Variants in TNIK observed in about 807,000 individuals in gnomAD.
The protein encoded by TNIK is TRAF2 and NCK-interacting protein kinase.
Under a neutral mutation model 191.3 loss-of-function variants are expected in TNIK, and 49 were observed. The ratio of observed to expected loss-of-function variants is 0.26; its 90% CI spans 0.20 to 0.32. The LOEUF (loss-of-function observed/expected upper bound fraction) is 0.32, where lower values mean the gene tolerates loss of function less well. Ranked by LOEUF, TNIK falls within the 10% of genes least tolerant of loss-of-function variation. The pLI is 1.00. For synonymous variants in TNIK, 594 were observed against 600.9 expected (o/e 0.99, Z 0.17); for missense variants, 1,155 against 1,702.3 (o/e 0.68, Z 5.66).
At chr3:171,160,150 G>A (rs1015046636) in intron 11 of TNIK, among the ~76,000 whole-genome samples, 3 of 152,110 alleles carry the variant, frequency 2.0e-5, no homozygotes, top group South Asian at 2.1e-4. Context: ...CAGCTAAACC[G>A]GGGACGGCCA....
At chr3:171,430,970 G>C (rs1725300363) in intron 1 of TNIK, among the ~76,000 whole-genome samples, 2 of 152,108 alleles carry the variant, frequency 1.3e-5, no homozygotes, top group African/African-American at 4.8e-5. Flanking sequence ...ATAAAAAGTA[G>C]AGCCACACCA....
At chr3:171,185,487 C>G (rs866726852) in intron 7 of TNIK, among the ~76,000 whole-genome samples, 3 of 152,172 alleles carry the variant, frequency 2.0e-5, no homozygotes, top group Non-Finnish European at 4.4e-5. Flanking sequence ...GCCCCACATA[C>G]TTATCAGGGA....
intron 1 of TNIK, among the ~76,000 whole-genome samples, chr3:171,399,166 T>G (rs555636667): frequency 1.3e-5 from 2 of 152,334 alleles, no homozygotes; most frequent in South Asian, 4.1e-4. Flanking sequence ...TCAAAACCAG[T>G]CTCTATCAAA....
intron 2 of TNIK, among the ~76,000 whole-genome samples, chr3:171,259,926 G>A (rs1278766061): frequency 6.6e-6 from 1 of 152,124 alleles, no homozygotes; most frequent in Admixed American, 6.6e-5. Flanking sequence ...ATAAGAGGAT[G>A]TGACAATCCT....
At chr3:171,445,732 A>G (rs1727416774) in intron 1 of TNIK, among the ~76,000 whole-genome samples, 1 of 152,200 alleles carries the variant, frequency 6.6e-6, no homozygotes, top group Admixed American at 6.5e-5. Context: ...AGTCAAACTA[A>G]AGATGTTTCA....
At chr3:171,203,825 C>T (rs941997129) in intron 4 of TNIK, among the ~76,000 whole-genome samples, 2 of 152,166 alleles carry the variant, frequency 1.3e-5, no homozygotes, top group African/African-American at 2.4e-5. Flanking sequence ...GGTATAATTT[C>T]TTAAGTCTTG....
chr3:171,192,376 C>T (rs1738164998), intron 5 of TNIK, among the ~76,000 whole-genome samples: 1 of 152,196 alleles, frequency 6.6e-6, no homozygotes, highest in Non-Finnish European at 1.5e-5. Context: ...TTAATGAGAT[C>T]ATACAATGCA....
At chr3:171,363,581 A>G (rs12495787) in intron 2 of TNIK, among the ~76,000 whole-genome samples, 9,825 of 152,298 alleles carry the variant, frequency 0.065, 416 homozygotes, top group South Asian at 0.16. Context: ...CAATAAGTGA[A>G]TAGTATAATA....
chr3:171,422,491 C>T (rs1723951114), intron 1 of TNIK, among the ~76,000 whole-genome samples: 1 of 152,048 alleles, frequency 6.6e-6, no homozygotes, highest in Non-Finnish European at 1.5e-5. Context: ...AGTTTTAACT[C>T]AATTTATTAA....
At chr3:171,437,182 T>C (rs187468745) in intron 1 of TNIK, among the ~76,000 whole-genome samples, 5 of 152,362 alleles carry the variant, frequency 3.3e-5, no homozygotes, top group Admixed American at 2.0e-4. Flanking sequence ...ATCAGCTGAT[T>C]ACTGTAAAGT....
At chr3:171,180,201 T>C (rs1736471721) in intron 7 of TNIK, among the ~76,000 whole-genome samples, 1 of 152,144 alleles carries the variant, frequency 6.6e-6, no homozygotes, top group Non-Finnish European at 1.5e-5. Flanking sequence ...AGCCTTTGGA[T>C]CTTGACTCAA....
rs918322479 is a variant in TNIK, at chr3:171,066,406, C to CA, written c.3860-81dup. On this transcript the variant is annotated intron_variant, in intron 31 of 32. Transcript: ENST00000436636. ...ACAGCATCTGTTCACATCTTAACCACAAAAATGACAAACGACTTGAGATAA... is the reference window on the plus strand; with the variant it reads ...ACAGCATCTGTTCACATCTTAACCACAAAAAATGACAAACGACTTGAGATAA... 67 of 1,537,638 alleles carry CA rather than the reference C, an allele frequency of 4.4e-5. No homozygotes were observed. In the African/African-American group the frequency reaches 8.8e-4, roughly 20 times the overall value.
intron 2 of TNIK, among the ~76,000 whole-genome samples, chr3:171,362,567 G>A (rs1484898530): frequency 2.0e-5 from 3 of 152,186 alleles, no homozygotes; most frequent in Admixed American, 6.5e-5. Context: ...TTCTATGAAA[G>A]CAAGACCATG....
chr3:171,310,386 A>C (rs919716917), intron 2 of TNIK, among the ~76,000 whole-genome samples: 1 of 152,188 alleles, frequency 6.6e-6, no homozygotes, highest in Non-Finnish European at 1.5e-5. Context: ...TGTAAATCAA[A>C]ATTTACAATT....
At chr3:171,351,871 C>T (rs1248115922) in intron 2 of TNIK, among the ~76,000 whole-genome samples, 16 of 152,208 alleles carry the variant, frequency 1.1e-4, no homozygotes, top group Admixed American at 1.0e-3. Context: ...AACCATTCAA[C>T]ACAAAAGTTA....
At chr3:171,302,964 C>G (rs1753042599) in intron 2 of TNIK, among the ~76,000 whole-genome samples, 1 of 152,126 alleles carries the variant, frequency 6.6e-6, no homozygotes, top group African/African-American at 2.4e-5. Context: ...CTACGCAATG[C>G]AAAATCAGAT....
intron 18 of TNIK, among the ~76,000 whole-genome samples, chr3:171,112,344 T>C: frequency 6.6e-6 from 1 of 152,196 alleles, no homozygotes; most frequent in South Asian, 2.1e-4. Context: ...CATGCCTTCC[T>C]CTGTAGAGTT....
chr3:171,460,095 A>C lies in TNIK; in HGVS notation c.-32T>G, dbSNP rs1578014776. 6.3e-7 allele frequency: 1 copy of C among 1,588,564 alleles called. No homozygotes were observed. Among genetic ancestry groups the C allele is most frequent in the East Asian group, 2.3e-5 (1 of 43,754 alleles). On this transcript the variant is annotated 5_prime_UTR_variant, in exon 1 of 33. Transcript: ENST00000436636. This position sits in a 1 kb window ranked among gnomAD's most constrained non-coding sequence, Gnocchi z 6.8. ...TTCTTCGCTGGAGAAATGGACCAAA[A>C]CCACCCCGAAGCTTTTCCCTTGGAA... is the stretch of plus-strand genomic sequence containing the variant.
intron 2 of TNIK, among the ~76,000 whole-genome samples, chr3:171,269,231 T>C: frequency 7.1e-6 from 1 of 140,890 alleles, no homozygotes; most frequent in East Asian, 1.9e-4. Context: ...GCTAGTATAA[T>C]GCAGGCATGC....
Sources: allele counts gnomAD v4.1 joint callset (sites outside exome capture counted in the v4.1 genomes callset), GRCh38; gene constraint gnomAD v4.1.1; non-coding constraint Gnocchi (gnomAD v3.1); transcripts MANE v1.5; gene names NCBI Gene and HGNC (gene_info 2026-07-23, HGNC 2026-07-21).